The following STIL variants were observed in gnomAD, a reference collection of about 807,000 sequenced individuals.
The protein encoded by STIL is SCL-interrupting locus protein.
A neutral mutation model predicts 110.1 loss-of-function variants in STIL; 55 were observed. That is an observed-to-expected ratio of 0.50 (90% CI 0.40 to 0.63). The LOEUF (loss-of-function observed/expected upper bound fraction) is 0.63, where lower values mean the gene tolerates loss of function less well. Ranked by LOEUF, STIL falls within the 20% of genes least tolerant of loss-of-function variation. The probability of loss-of-function intolerance (pLI) is 0.00; values close to 1 mark genes in which losing one functional copy is unlikely to be tolerated. For missense variants in STIL, 1,358 were observed against 1,530.0 expected (o/e 0.89, Z 1.87); for synonymous variants, 481 against 530.0 (o/e 0.91, Z 1.27).
At chr1:47,285,037 T>TTTTTTTTTTTTTTTTG (rs56852593) in intron 10 of STIL, among the ~76,000 whole-genome samples, 1 of 150,624 alleles carries the variant, frequency 6.6e-6, no homozygotes. Flanking sequence ...TTTTTTTTTT[T>TTTTTTTTTTTTTTTTG]CTTTGAGACA....
At chr1:47,303,091 C>A (rs577073822) in intron 3 of STIL, among the ~76,000 whole-genome samples, 1 of 151,688 alleles carries the variant, frequency 6.6e-6, no homozygotes, top group African/African-American at 2.4e-5. Flanking sequence ...AAAGACCAGG[C>A]AAATTTGAAT....
At chr1:47,301,084 C>A (rs761643506) in intron 5 of STIL, among the ~76,000 whole-genome samples, 3 of 152,122 alleles carry the variant, frequency 2.0e-5, no homozygotes, top group Admixed American at 6.6e-5. Flanking sequence ...ATTCATCAGG[C>A]TGGCAGACAA....
At chr1:47,255,435 C>G (rs1644300711) in intron 16 of STIL, among the ~76,000 whole-genome samples, 2 of 151,656 alleles carry the variant, frequency 1.3e-5, no homozygotes, top group Admixed American at 1.3e-4. Flanking sequence ...GTAGTCCCAG[C>G]TACTCAGGAA....
At chr1:47,267,660 G>A (rs1259492318) in intron 14 of STIL, among the ~76,000 whole-genome samples, 3 of 115,998 alleles carry the variant, frequency 2.6e-5, no homozygotes, top group East Asian at 2.5e-4. Context: ...GCGACAGAGC[G>A]AGTATCTAAA....
intron 6 of STIL, among the ~76,000 whole-genome samples, chr1:47,296,585 C>T (rs1046387178): frequency 5.3e-5 from 8 of 151,986 alleles, no homozygotes; most frequent in Non-Finnish European, 1.2e-4. Context: ...GGGCAAATCA[C>T]TTGAGGTGAG....
In STIL at chr1:47,250,818, C is replaced by CA. The variant is rs1156471361; in HGVS notation, c.*317dup. 8.6e-3 allele frequency: 1,921 copies of CA among 224,478 alleles called. No homozygotes were observed. Among genetic ancestry groups the CA allele is most frequent in the East Asian group, 0.015 (191 of 13,154 alleles). The allele number at this position is 224,478 out of a possible 1,614,324, so 13.9% of individuals were successfully genotyped here. On this transcript the variant is annotated 3_prime_UTR_variant, in exon 17 of 17. Transcript: ENST00000371877. ...GGGCTACAAGAGCAAAACTCCGTCT[C>CA]AAAAAAAAAAGTACAGTATAAAAGA...
At chr1:47,273,734 C>G (rs1446813278) in intron 12 of STIL, among the ~76,000 whole-genome samples, 1 of 152,080 alleles carries the variant, frequency 6.6e-6, no homozygotes, top group Non-Finnish European at 1.5e-5. Flanking sequence ...AAGAGCCTCC[C>G]TTTGTAAACA....
At chr1:47,257,916 T>C (rs1644371098) in intron 16 of STIL, among the ~76,000 whole-genome samples, 4 of 152,206 alleles carry the variant, frequency 2.6e-5, no homozygotes, top group South Asian at 2.1e-4. Flanking sequence ...AGTGAATGTA[T>C]TGGTGAAATG....
chr1:47,299,870 C>T, intron 6 of STIL, 35 bp downstream of exon 6: 1 of 1,592,564 alleles, frequency 6.3e-7, no homozygotes, highest in Non-Finnish European at 8.6e-7. Context: ...TATACTAATG[C>T]AACTAACATT....
At chr1:47,310,862 T>A (rs1646101907) in intron 1 of STIL, among the ~76,000 whole-genome samples, 1 of 152,202 alleles carries the variant, frequency 6.6e-6, no homozygotes, top group African/African-American at 2.4e-5. Flanking sequence ...AGTGTTCTTT[T>A]TTTTTGAGAT....
intron 7 of STIL, 75 bp downstream of exon 7, chr1:47,295,690 C>T (rs995809551): frequency 1.7e-5 from 17 of 1,014,942 alleles, no homozygotes; most frequent in Non-Finnish European, 2.5e-5. Flanking sequence ...ATTTATAGTA[C>T]AACTGAGTCA....
chr1:47,262,937 G>C lies in STIL; in HGVS notation c.2795C>G (p.Pro932Arg), dbSNP rs763308359. 2 of 1,614,116 alleles carry C rather than the reference G, an allele frequency of 1.2e-6. No individual in the cohort carries two copies. Among genetic ancestry groups the C allele is most frequent in the African/African-American group, 2.7e-5 (2 of 75,020 alleles). The change falls in exon 15 of 17, where the codon CCA (proline) becomes CGA (arginine). Residue 932 changes from proline to arginine, a missense_variant. Coordinates refer to ENST00000371877, the MANE Select transcript of STIL (RefSeq NM_001048166.1). ...CTGGTAAATTTTCTGGTTATCTGATGGTTGATGAAGCAAGGGTTGCATTAC... is the reference window on the plus strand; with the variant it reads ...CTGGTAAATTTTCTGGTTATCTGATCGTTGATGAAGCAAGGGTTGCATTAC... ...EHVMQPLLHQPSDNQKIYQDL... is the reference protein window; with the variant it reads ...EHVMQPLLHQRSDNQKIYQDL...
intron 10 of STIL, 75 bp downstream of exon 10, chr1:47,287,472 TTTAG>T: frequency 2.3e-6 from 2 of 880,808 alleles, no homozygotes; most frequent in East Asian, 2.7e-5. Flanking sequence ...TCAGAAATAA[TTTAG>T]TTATTTTACT....
intron 14 of STIL, among the ~76,000 whole-genome samples, chr1:47,269,234 A>G (rs1366151077): frequency 6.6e-6 from 1 of 152,192 alleles, no homozygotes; most frequent in African/African-American, 2.4e-5. Context: ...AAAGACTGAC[A>G]TCTGGAAATG....
At chr1:47,308,264 C>T (rs914063198) in intron 2 of STIL, among the ~76,000 whole-genome samples, 2 of 152,048 alleles carry the variant, frequency 1.3e-5, no homozygotes, top group African/African-American at 2.4e-5. Context: ...TGATGTCTCC[C>T]CCGGAAGCCC....
Position 47,272,065 on chromosome 1 carries a change from A to C in STIL, c.2383+11T>G, listed in dbSNP as rs1193247777. 4 of 1,613,210 alleles carry C rather than the reference A, an allele frequency of 2.5e-6. No individual in the cohort carries two copies. Among genetic ancestry groups the C allele is most frequent in the South Asian group, 2.2e-5 (2 of 90,834 alleles). Reference sequence around the variant, plus strand: ...CAATTTCCTTACAAATTAAAAAAAAACTGAAATTACCTGTGCTCACAGCAA... The same window carrying C: ...CAATTTCCTTACAAATTAAAAAAAACCTGAAATTACCTGTGCTCACAGCAA... On this transcript the variant is annotated intron_variant, in intron 13 of 16. Transcript: ENST00000371877.
At chr1:47,275,688 G>C (rs932665185) in intron 12 of STIL, among the ~76,000 whole-genome samples, 1 of 151,940 alleles carries the variant, frequency 6.6e-6, no homozygotes, top group Non-Finnish European at 1.5e-5. Flanking sequence ...ACAGTGGCAC[G>C]GTCTTGGCTC....
intron 8 of STIL, among the ~76,000 whole-genome samples, chr1:47,289,938 C>CA (rs59432279): frequency 0.015 from 1,583 of 103,818 alleles, 28 homozygotes; most frequent in African/African-American, 0.046. Context: ...ACTCCGTCTC[C>CA]AAAAAAAAAA....
chr1:47,283,120 G>A (rs2148995488), intron 10 of STIL: 1 of 152,164 alleles, frequency 6.6e-6, no homozygotes, highest in East Asian at 1.9e-4. Flanking sequence ...GATGCATTAG[G>A]GAAAAGAAAA....
Sources: gnomAD v4.1 joint callset for allele counts (sites outside exome capture counted in the v4.1 genomes callset) on GRCh38, gnomAD v4.1.1 for gene constraint, MANE v1.5 for transcripts, NCBI Gene and HGNC (gene_info 2026-07-23, HGNC 2026-07-21) for gene names.